PDS5A: variants seen among roughly 807,000 people sequenced by gnomAD.
PDS5A encodes sister chromatid cohesion protein PDS5 homolog A.
A neutral mutation model predicts 167.1 loss-of-function variants in PDS5A; 42 were observed. The ratio of observed to expected loss-of-function variants is 0.25; its 90% CI spans 0.20 to 0.33. The LOEUF is 0.33. Among genes scored for constraint, PDS5A ranks in the 10% least tolerant of loss-of-function variants. The pLI, the probability that PDS5A is intolerant of heterozygous loss-of-function variation, is 1.00. For synonymous variants in PDS5A, 553 were observed against 554.6 expected (o/e 1.00, Z 0.04); for missense variants, 1,033 against 1,605.9 (o/e 0.64, Z 6.10).
intron 32 of PDS5A, among the ~76,000 whole-genome samples, chr4:39,833,936 G>C (rs568960444): frequency 2.6e-5 from 4 of 152,326 alleles, no homozygotes; most frequent in African/African-American, 9.6e-5. Flanking sequence ...CTGTAGACAA[G>C]AGCAGAGCTT....
chr4:39,909,099 TCA>T (rs1325273289), intron 10 of PDS5A, among the ~76,000 whole-genome samples: 1 of 83,470 alleles, frequency 1.2e-5, no homozygotes, highest in African/African-American at 3.1e-5. Flanking sequence ...ATAAAATACT[TCA>T]CAGTTACATC....
chr4:39,836,615 ATTTTT>A (rs71645192), intron 32 of PDS5A, among the ~76,000 whole-genome samples: 4,285 of 106,256 alleles, frequency 0.04, 84 homozygotes, highest in Middle Eastern at 0.12. Flanking sequence ...ATTTTTTTCT[ATTTTT>A]TTTTTTTTTT....
At chr4:39,834,396 G>A (rs1476413411) in intron 32 of PDS5A, among the ~76,000 whole-genome samples, 1 of 152,122 alleles carries the variant, frequency 6.6e-6, no homozygotes. Flanking sequence ...AAAAATGCCT[G>A]GGAAAGCTTC....
intron 14 of PDS5A, among the ~76,000 whole-genome samples, chr4:39,899,970 C>T (rs1267744333): frequency 3.3e-5 from 5 of 151,250 alleles, no homozygotes; most frequent in African/African-American, 9.7e-5. Flanking sequence ...AGTGAACACA[C>T]GTAAAAATGT....
intron 6 of PDS5A, among the ~76,000 whole-genome samples, chr4:39,921,084 C>G (rs1163546042): frequency 3.9e-5 from 6 of 152,182 alleles, no homozygotes; most frequent in Non-Finnish European, 7.3e-5. Context: ...TCTAACACCT[C>G]TTCCAAAACA....
At chr4:39,895,855 C>T (rs1209576972) in intron 16 of PDS5A, among the ~76,000 whole-genome samples, 1 of 151,698 alleles carries the variant, frequency 6.6e-6, no homozygotes, top group Non-Finnish European at 1.5e-5. Flanking sequence ...GTAGCTGGGA[C>T]TACAGGCGCC....
chr4:39,919,439 A>G (rs2109709800), intron 7 of PDS5A, among the ~76,000 whole-genome samples: 1 of 152,272 alleles, frequency 6.6e-6, no homozygotes, highest in East Asian at 1.9e-4. Context: ...AGGTCAGGAG[A>G]TCAAGACCAC....
intron 2 of PDS5A, among the ~76,000 whole-genome samples, chr4:39,943,726 G>A (rs1373202249): frequency 6.6e-6 from 1 of 151,776 alleles, no homozygotes; most frequent in South Asian, 2.1e-4. Context: ...AGAATTGCTT[G>A]AACCTGGGAG....
rs1248584809 is a variant in PDS5A at position 39,838,810 on chromosome 4, G to A, written c.3658-602C>T. ...CGAGACGGGTGGATCACCTGAGGTT[G>A]GGAGTTCAAGACCAGCCTGACCAAC... is the stretch of plus-strand genomic sequence containing the variant. On this transcript the variant is annotated intron_variant, in intron 31 of 32. Coordinates refer to ENST00000303538, the MANE Select transcript of PDS5A (RefSeq NM_001100399.2). Among the ~76,000 whole-genome samples, 5 of 151,826 alleles carry A rather than the reference G, an allele frequency of 3.3e-5. No individual in the cohort carries two copies. In the East Asian group the frequency reaches 9.7e-4, roughly 30 times the overall value.
intron 6 of PDS5A, among the ~76,000 whole-genome samples, chr4:39,920,878 T>C (rs1478719752): frequency 2.0e-5 from 3 of 152,234 alleles, no homozygotes; most frequent in African/African-American, 4.8e-5. Flanking sequence ...AATTGTATTT[T>C]TGAAATGCTT....
chr4:39,900,548 T>C, intron 13 of PDS5A, 41 bp from the exon 14 acceptor site: 1 of 1,247,138 alleles, frequency 8.0e-7, no homozygotes, highest in Non-Finnish European at 1.2e-6. Context: ...TACATAACAA[T>C]ACTGGAAATT....
intron 2 of PDS5A, among the ~76,000 whole-genome samples, chr4:39,943,780 C>T (rs1314480948): frequency 6.6e-6 from 1 of 151,752 alleles, no homozygotes; most frequent in African/African-American, 2.4e-5. Flanking sequence ...GCACTCCAGC[C>T]TGGGCAACAA....
intron 2 of PDS5A, among the ~76,000 whole-genome samples, chr4:39,942,580 C>T (rs186726680): frequency 4.5e-4 from 69 of 152,080 alleles, no homozygotes; most frequent in Non-Finnish European, 8.4e-4. Context: ...TCATGCACCA[C>T]CACACTCACC....
intron 11 of PDS5A, among the ~76,000 whole-genome samples, chr4:39,907,261 C>T (rs968632088): frequency 4.6e-5 from 7 of 152,190 alleles, no homozygotes; most frequent in East Asian, 3.9e-4. Context: ...TGTTGAACAA[C>T]TTAAAAGGTA....
intron 2 of PDS5A, among the ~76,000 whole-genome samples, chr4:39,948,210 C>CAAAAAAAAAAAAAA (rs35177594): frequency 6.2e-5 from 6 of 96,444 alleles, no homozygotes; most frequent in Admixed American, 2.4e-4. Context: ...TATCCCGTCT[C>CAAAAAAAAAAAAAA]AAAAAAAAAA....
In PDS5A at chr4:39,873,106, T is replaced by C. The variant is rs375245757; in HGVS notation, c.2316A>G (p.Gln772=). The C allele has an allele frequency of 1.4e-5, 21 of 1,528,590 alleles. No homozygotes were observed. Among genetic ancestry groups the C allele is most frequent in the Non-Finnish European group, 1.9e-5 (21 of 1,122,504 alleles). 94.7% of individuals were successfully genotyped at this position (1,528,590 alleles called of 1,614,324 possible). ...SRSLNADVPE[Q]LITPLVSLGH... ...CCAATGAAACTAATGGAGTTATAAGTTGTTCTGGCACATCAGCATTCAGAC... is the reference window on the plus strand; with the variant it reads ...CCAATGAAACTAATGGAGTTATAAGCTGTTCTGGCACATCAGCATTCAGAC... Residue 772 remains glutamine, a synonymous_variant, in exon 21 of 33, where the codon CAA becomes CAG. Transcript: ENST00000303538.
intron 2 of PDS5A, among the ~76,000 whole-genome samples, chr4:39,961,868 C>T (rs1437878776): frequency 1.3e-5 from 2 of 152,190 alleles, no homozygotes; most frequent in African/African-American, 4.8e-5. Context: ...GGCCTTCATA[C>T]ATGTCAATGT....
chr4:39,857,901 C>T (rs1193030675), intron 26 of PDS5A, among the ~76,000 whole-genome samples: 1 of 151,930 alleles, frequency 6.6e-6, no homozygotes, highest in Non-Finnish European at 1.5e-5. Context: ...ATTCCTGGGC[C>T]CAAGCAATTC....
chr4:39,967,738 T>C (rs1730118434), intron 2 of PDS5A, among the ~76,000 whole-genome samples: 1 of 151,618 alleles, frequency 6.6e-6, no homozygotes, highest in Non-Finnish European at 1.5e-5. Context: ...GGCAGGCAGA[T>C]TATGAGGTCA....
Sources: allele counts gnomAD v4.1 joint callset (sites outside exome capture counted in the v4.1 genomes callset), GRCh38; gene constraint gnomAD v4.1.1; transcripts MANE v1.5; gene names NCBI Gene and HGNC (gene_info 2026-07-23, HGNC 2026-07-21).